EIF2B1: variants seen among roughly 807,000 people sequenced by gnomAD.
The protein encoded by EIF2B1 is eukaryotic translation initiation factor 2B subunit alpha.
EIF2B1 carries 30 observed loss-of-function variants against 36.8 expected under a neutral mutation model. The ratio of observed to expected loss-of-function variants is 0.81; its 90% CI spans 0.61 to 1.10. The LOEUF is 1.10. Ranked by LOEUF, EIF2B1 falls within the 50% of genes least tolerant of loss-of-function variation. The pLI is 0.00. For synonymous variants in EIF2B1, 139 were observed against 142.2 expected (o/e 0.98, Z 0.16); for missense variants, 271 against 374.8 (o/e 0.72, Z 2.29).
Position 123,633,655 on chromosome 12 carries a change from C to A in EIF2B1, c.-98G>T, listed in dbSNP as rs1184663473. The A allele has an allele frequency of 5.8e-5, 91 of 1,559,034 alleles. 1 individual carries two copies. The East Asian group carries it at 1.4e-3, about 23-fold the overall frequency. ...CCGCCTGCGAGCCAGTCTGACAGCG[C>A]GCTGCACACCTCCGCACCCCACTTC... On this transcript the variant is annotated 5_prime_UTR_variant, in exon 1 of 9. Coordinates refer to ENST00000424014, the MANE Select transcript of EIF2B1 (RefSeq NM_001414.4).
chr12:123,626,930 G>A (rs758153962), intron 5 of EIF2B1, 114 bp downstream of exon 5: 1 of 934,210 alleles, frequency 1.1e-6, no homozygotes, highest in East Asian at 2.4e-5. Context: ...GAAAGGCAGT[G>A]CTGACTGCTG....
rs1465058490 is a variant in EIF2B1 at position 123,621,130 on chromosome 12, C to T, written c.*626G>A. On this transcript the variant is annotated 3_prime_UTR_variant, in exon 9 of 9. Coordinates refer to ENST00000424014, the MANE Select transcript of EIF2B1 (RefSeq NM_001414.4). ...CATATTTAAACATCTCTTACACATA[C>T]AGAATTTCAGTTTACAAATATTCCA... 1.9e-5 allele frequency: 3 copies of T among 158,638 alleles called. No homozygotes were observed. The highest frequency in any genetic ancestry group is 4.2e-5 in the Non-Finnish European group (3 of 71,812). 9.8% of individuals were successfully genotyped at this position (158,638 alleles called of 1,614,324 possible).
chr12:123,626,306 A>T, intron 6 of EIF2B1, 119 bp downstream of exon 6: 1 of 1,190,970 alleles, frequency 8.4e-7, no homozygotes, highest in Admixed American at 1.9e-5. Flanking sequence ...ATTAATTAAG[A>T]AGTAGGACGC....
In EIF2B1 at chr12:123,624,767, G is replaced by C. The variant is rs758038596; in HGVS notation, c.627+20C>G. Reference sequence around the variant, plus strand: ...CCTCCAAGTCTTGAGCAGGGAACTGGGGAGAACTGATGCTCTTACCTTGTT... The same window carrying C: ...CCTCCAAGTCTTGAGCAGGGAACTGCGGAGAACTGATGCTCTTACCTTGTT... On this transcript the variant is annotated intron_variant, in intron 7 of 8. Coordinates refer to ENST00000424014, the MANE Select transcript of EIF2B1 (RefSeq NM_001414.4). The C allele has an allele frequency of 1.2e-5, 20 of 1,609,730 alleles. No individual in the cohort carries two copies. In the South Asian group the frequency reaches 1.5e-4, roughly 12 times the overall value.
rs955124719 is a variant in EIF2B1 at position 123,633,531 on chromosome 12, C to T, written c.13+14G>A. ...GCTGCTGTAGCCTAGCAGCCCTGGC[C>T]TGTCTTGATTTACCCTTGTCGTCCA... On this transcript the variant is annotated intron_variant, in intron 1 of 8. Coordinates refer to ENST00000424014, the MANE Select transcript of EIF2B1 (RefSeq NM_001414.4). 6.2e-7 allele frequency: 1 copy of T among 1,613,786 alleles called. No homozygotes were observed. Among genetic ancestry groups the T allele is most frequent in the Non-Finnish European group, 8.5e-7 (1 of 1,180,026 alleles).
At chr12:123,627,277 C>T in intron 4 of EIF2B1, 121 bp from the exon 5 acceptor site, 4 of 830,314 alleles carry the variant, frequency 4.8e-6, no homozygotes, top group Non-Finnish European at 8.1e-6. Context: ...ACAAATCAAC[C>T]ACAACCAGAA....
chr12:123,627,016 G>A, intron 5 of EIF2B1, 28 bp downstream of exon 5: 2 of 1,589,590 alleles, frequency 1.3e-6, no homozygotes, highest in Non-Finnish European at 1.7e-6. Context: ...TTATGGCTGG[G>A]CACATAACTG....
Position 123,621,334 on chromosome 12 carries a change from G to A in EIF2B1, c.*422C>T, listed in dbSNP as rs529880752. On this transcript the variant is annotated 3_prime_UTR_variant, in exon 9 of 9. Transcript: ENST00000424014. Reference sequence around the variant, plus strand: ...TTTCTTGCCTCTTACAAGGCACCGCGTGTAACGTCCTGACCAGCTGTTGGT... The same window carrying A: ...TTTCTTGCCTCTTACAAGGCACCGCATGTAACGTCCTGACCAGCTGTTGGT... The A allele has an allele frequency of 1.6e-3, 453 of 289,262 alleles. 2 individuals carry two copies. Among genetic ancestry groups the A allele is most frequent in the Admixed American group, 2.6e-3 (55 of 21,014 alleles). 17.9% of individuals were successfully genotyped at this position (289,262 alleles called of 1,614,324 possible).
chr12:123,633,431 G>A (rs1955218123), intron 1 of EIF2B1, 114 bp downstream of exon 1: 1 of 1,490,290 alleles, frequency 6.7e-7, no homozygotes, highest in East Asian at 2.3e-5. Context: ...AACCAGCGGA[G>A]CAGCCTGAAA....
At position 123,627,784 on chromosome 12, in the gene EIF2B1, G is replaced by A. The variant is rs554013142; in HGVS notation, c.370-628C>T. 7.2e-5 allele frequency among the ~76,000 whole-genome samples: 11 copies of A among 152,304 alleles called. No homozygotes were observed. In the South Asian group the frequency reaches 2.3e-3, roughly 32 times the overall value. On this transcript the variant is annotated intron_variant, in intron 4 of 8. Transcript: ENST00000424014. ...TGGGAGGATCACTTGAGCCTGGGAG[G>A]TTGAGGCTGCAGTGAGCCATAATCA...
Position 123,632,407 on chromosome 12 carries a change from G to C in EIF2B1, c.53C>G (p.Pro18Arg). The part of the protein sequence containing the change: ...EYFKSQMKED[P>R]DMASAVAAIR... Reference sequence around the variant, plus strand: ...GGCAGCCACTGCTGAGGCCATGTCAGGATCTTCTTTCATCTGAGACTTAAA... The same window carrying C: ...GGCAGCCACTGCTGAGGCCATGTCACGATCTTCTTTCATCTGAGACTTAAA... Residue 18 changes from proline to arginine, a missense_variant, in exon 2 of 9, where the codon CCT becomes CGT. Pro to Arg is a moderately radical substitution (Grantham distance 103, BLOSUM62 -2). Transcript: ENST00000424014. The C allele has an allele frequency of 6.2e-7, 1 of 1,613,862 alleles. No homozygotes were observed.
At chr12:123,623,770 G>A (rs762750426) in intron 7 of EIF2B1, among the ~76,000 whole-genome samples, 11 of 152,046 alleles carry the variant, frequency 7.2e-5, no homozygotes, top group East Asian at 3.8e-4. Flanking sequence ...TACTACGCCC[G>A]GCCTTATGTT....
intron 5 of EIF2B1, chr12:123,626,714 A>C (rs1326927917): frequency 1.1e-5 from 7 of 644,648 alleles, no homozygotes; most frequent in Non-Finnish European, 1.9e-5. Flanking sequence ...TAAGAGATGT[A>C]AATTCAGGAA....
In EIF2B1 at chr12:123,626,760, G is replaced by A. The variant is rs1030016501; in HGVS notation, c.483-267C>T. On this transcript the variant is annotated intron_variant, in intron 5 of 8. Coordinates refer to ENST00000424014, the MANE Select transcript of EIF2B1 (RefSeq NM_001414.4). ...AGTTTTGCTTTGATTATCGTCTAGAGAGAGGGAGATATAAGTTACCTATTC... is the reference window on the plus strand; with the variant it reads ...AGTTTTGCTTTGATTATCGTCTAGAAAGAGGGAGATATAAGTTACCTATTC... The A allele has an allele frequency of 1.1e-5, 7 of 649,498 alleles. No homozygotes were observed. The Admixed American group carries it at 1.2e-4, about 11-fold the overall frequency. 40.2% of individuals were successfully genotyped at this position (649,498 alleles called of 1,614,324 possible).
chr12:123,626,101 C>G (rs923248198), intron 6 of EIF2B1: 1 of 346,892 alleles, frequency 2.9e-6, no homozygotes, highest in Admixed American at 3.9e-5. Context: ...CCATTGCACT[C>G]CAGCCTGGGC....
chr12:123,623,193 A>C (rs983627215), intron 7 of EIF2B1, among the ~76,000 whole-genome samples: 1 of 152,042 alleles, frequency 6.6e-6, no homozygotes, highest in African/African-American at 2.4e-5. Flanking sequence ...CCAGCTGGCC[A>C]ATATAGGGAA....
At position 123,621,897 on chromosome 12, in the gene EIF2B1, G is replaced by C; in HGVS notation, c.777C>G (p.Val259=). 2 of 1,614,074 alleles carry C rather than the reference G, an allele frequency of 1.2e-6. No individual in the cohort carries two copies. Among genetic ancestry groups the C allele is most frequent in the Non-Finnish European group, 1.7e-6 (2 of 1,180,034 alleles). ...KFKYKADTLK[V]AQTGQDLKEE... Reference sequence around the variant, plus strand: ...CTTTGAGGTCTTGTCCAGTCTGCGCGACCTTGAGAGTGTCTGCCTTATACT... The same window carrying C: ...CTTTGAGGTCTTGTCCAGTCTGCGCCACCTTGAGAGTGTCTGCCTTATACT... Residue 259 remains valine, a synonymous_variant, in exon 9 of 9, where the codon GTC becomes GTG. Transcript: ENST00000424014.
intron 7 of EIF2B1, among the ~76,000 whole-genome samples, chr12:123,623,306 A>G (rs1199848066): frequency 6.6e-6 from 1 of 151,948 alleles, no homozygotes; most frequent in East Asian, 1.9e-4. Context: ...GACTCGCTTG[A>G]ACCCGGGCAC....
At chr12:123,629,582 A>G (rs1173963476) in intron 4 of EIF2B1, among the ~76,000 whole-genome samples, 1 of 152,194 alleles carries the variant, frequency 6.6e-6, no homozygotes, top group Non-Finnish European at 1.5e-5. Flanking sequence ...TCACAAGGTC[A>G]GGAGATCGAG....
Sources: allele counts gnomAD v4.1 joint callset (sites outside exome capture counted in the v4.1 genomes callset), GRCh38; gene constraint gnomAD v4.1.1; transcripts MANE v1.5; gene names NCBI Gene and HGNC (gene_info 2026-07-23, HGNC 2026-07-21).